ANKS1B: variants seen among roughly 807,000 people sequenced by gnomAD.
The protein encoded by ANKS1B is ankyrin repeat and sterile alpha motif domain containing 1B.
A neutral mutation model predicts 148.3 loss-of-function variants in ANKS1B; 36 were observed. The observed-to-expected ratio is 0.24, with a 90% confidence interval of 0.19 to 0.32. The LOEUF (loss-of-function observed/expected upper bound fraction) is 0.32. Among genes scored for constraint, ANKS1B ranks in the 10% least tolerant of loss-of-function variants. ANKS1B has a pLI of 1.00. For missense variants in ANKS1B, 1,157 were observed against 1,542.6 expected, an observed-to-expected ratio of 0.75 and a Z score of 4.19; for synonymous variants, 542 against 560.8, an observed-to-expected ratio of 0.97 and a Z score of 0.47.
chr12:99,681,417 G>A (rs1205199965), intron 8 of ANKS1B, among the ~76,000 whole-genome samples: 1 of 152,144 alleles, frequency 6.6e-6, no homozygotes, highest in Non-Finnish European at 1.5e-5. Context: ...TACAACCAAG[G>A]ACACTCACGG....
chr12:99,525,598 G>A (rs1036413920), intron 9 of ANKS1B, among the ~76,000 whole-genome samples: 1 of 152,134 alleles, frequency 6.6e-6, no homozygotes, highest in Non-Finnish European at 1.5e-5. Context: ...TTTCAAATCA[G>A]TAAGAAAACC....
intron 8 of ANKS1B, among the ~76,000 whole-genome samples, chr12:99,689,532 T>C (rs1041670378): frequency 2.0e-5 from 3 of 152,226 alleles, no homozygotes; most frequent in African/African-American, 7.2e-5. Context: ...TTATGTTACC[T>C]GGCCAAAGAA....
intron 17 of ANKS1B, among the ~76,000 whole-genome samples, chr12:98,894,076 A>T (rs1479306094): frequency 6.6e-6 from 1 of 152,312 alleles, no homozygotes; most frequent in Non-Finnish European, 1.5e-5. Flanking sequence ...TCCAAGGCTT[A>T]ACATTGGAAA....
intron 12 of ANKS1B, among the ~76,000 whole-genome samples, chr12:99,312,483 G>A (rs1188497943): frequency 6.6e-6 from 1 of 152,078 alleles, no homozygotes; most frequent in Non-Finnish European, 1.5e-5. Flanking sequence ...GTTACAGTGA[G>A]AACTGTAAGT....
intron 23 of ANKS1B, chr12:98,781,512 G>T: frequency 2.1e-6 from 1 of 486,002 alleles, no homozygotes; most frequent in Non-Finnish European, 4.0e-6. Flanking sequence ...ACACTAAAGG[G>T]TGAATGAAGA....
chr12:99,797,167 A>G (rs956155028), intron 4 of ANKS1B, among the ~76,000 whole-genome samples: 2 of 151,988 alleles, frequency 1.3e-5, no homozygotes, highest in African/African-American at 2.4e-5. Context: ...ATTTTGTAAT[A>G]ATTTCCTTCT....
intron 14 of ANKS1B, among the ~76,000 whole-genome samples, chr12:99,220,103 G>A (rs1379113680): frequency 2.0e-5 from 3 of 152,134 alleles, no homozygotes; most frequent in East Asian, 3.9e-4. Context: ...AGGTTCAATC[G>A]ATTCTCCTGC....
intron 12 of ANKS1B, among the ~76,000 whole-genome samples, chr12:99,326,892 G>A (rs2086408788): frequency 6.7e-6 from 1 of 149,346 alleles, no homozygotes; most frequent in South Asian, 2.1e-4. Context: ...ATATTTTTAT[G>A]TATATTTGAT....
intron 12 of ANKS1B, among the ~76,000 whole-genome samples, chr12:99,313,057 T>C (rs1390466512): frequency 6.6e-6 from 1 of 151,234 alleles, no homozygotes; most frequent in Middle Eastern, 3.5e-3. Context: ...AAGAGAAGAA[T>C]CAAATAGACA....
At chr12:98,844,403 C>T (rs980947606) in intron 17 of ANKS1B, among the ~76,000 whole-genome samples, 2 of 152,102 alleles carry the variant, frequency 1.3e-5, no homozygotes, top group African/African-American at 4.8e-5. Flanking sequence ...CCCCTGGAAC[C>T]CCACCAGAAG....
At chr12:99,338,292 C>T (rs2089318096) in intron 12 of ANKS1B, among the ~76,000 whole-genome samples, 1 of 152,154 alleles carries the variant, frequency 6.6e-6, no homozygotes, top group African/African-American at 2.4e-5. Flanking sequence ...AGTAGTCTCC[C>T]CTGTGGGTAC....
chr12:98,782,605 A>G (rs2153520839), intron 22 of ANKS1B, among the ~76,000 whole-genome samples: 1 of 152,344 alleles, frequency 6.6e-6, no homozygotes, highest in Non-Finnish European at 1.5e-5. Context: ...TGAGACTTCA[A>G]TTGCATCTTT....
At chr12:99,357,110 T>C (rs981348804) in intron 12 of ANKS1B, among the ~76,000 whole-genome samples, 1 of 152,068 alleles carries the variant, frequency 6.6e-6, no homozygotes, top group Non-Finnish European at 1.5e-5. Context: ...TAAATATGTA[T>C]AATACATGTA....
intron 9 of ANKS1B, among the ~76,000 whole-genome samples, chr12:99,582,630 C>T (rs770773061): frequency 4.6e-5 from 7 of 152,048 alleles, no homozygotes; most frequent in Admixed American, 2.0e-4. Flanking sequence ...ATGAAGACAA[C>T]GCAATACTAT....
chr12:98,834,064 C>T (rs915117819), intron 17 of ANKS1B, among the ~76,000 whole-genome samples: 1 of 152,174 alleles, frequency 6.6e-6, no homozygotes, highest in African/African-American at 2.4e-5. Context: ...TTGACAGCCA[C>T]CCTCTGACCC....
intron 9 of ANKS1B, among the ~76,000 whole-genome samples, chr12:99,589,982 A>C (rs2097683345): frequency 1.3e-5 from 2 of 152,042 alleles, no homozygotes; most frequent in Non-Finnish European, 2.9e-5. Context: ...AAATAAAAAC[A>C]TTTTTTAAAA....
Position 99,561,207 on chromosome 12 carries a change from G to A in ANKS1B, c.1273-56566C>T, listed in dbSNP as rs567586637. ...CACATTAATTGAATCTTTCTTTCATGAACAATTCTTCTATAGCATGTGATG... is the reference window on the plus strand; with the variant it reads ...CACATTAATTGAATCTTTCTTTCATAAACAATTCTTCTATAGCATGTGATG... On this transcript the variant is annotated intron_variant, in intron 9 of 26. Coordinates refer to ENST00000683438, the MANE Select transcript of ANKS1B (RefSeq NM_001352186.2). Among the ~76,000 whole-genome samples, 6 of 152,216 alleles carry A rather than the reference G, an allele frequency of 3.9e-5. No individual in the cohort carries two copies. In the South Asian group the frequency reaches 8.3e-4, roughly 21 times the overall value.
At chr12:99,158,867 C>A (rs1490628257) in intron 14 of ANKS1B, among the ~76,000 whole-genome samples, 1 of 152,134 alleles carries the variant, frequency 6.6e-6, no homozygotes, top group East Asian at 1.9e-4. Context: ...CATGGGATCT[C>A]ATCAAAAGGA....
intron 12 of ANKS1B, among the ~76,000 whole-genome samples, chr12:99,385,195 G>A (rs994560508): frequency 4.0e-5 from 6 of 150,698 alleles, no homozygotes; most frequent in African/African-American, 1.2e-4. Context: ...TAGGCTGAGT[G>A]TAGTGGCTCA....
Sources: allele counts gnomAD v4.1 joint callset (sites outside exome capture counted in the v4.1 genomes callset), GRCh38; gene constraint gnomAD v4.1.1; transcripts MANE v1.5; gene names NCBI Gene and HGNC (gene_info 2026-07-23, HGNC 2026-07-21).